The following RCOR1 variants were observed in gnomAD, a reference collection of about 807,000 sequenced individuals.
RCOR1 encodes the protein REST corepressor 1, also known as REST corepressor.
A neutral mutation model predicts 64.0 loss-of-function variants in RCOR1; 12 were observed. The ratio of observed to expected loss-of-function variants is 0.19; its 90% CI spans 0.12 to 0.30. The LOEUF is 0.30. Ranked by LOEUF, RCOR1 falls within the 10% of genes least tolerant of loss-of-function variation. The pLI is 1.00. For missense variants in RCOR1, 502 were observed against 621.2 expected (o/e 0.81, Z 2.04); for synonymous variants, 279 against 227.2 (o/e 1.23, Z -2.05).
intron 2 of RCOR1, among the ~76,000 whole-genome samples, chr14:102,630,356 G>A (rs965006169): frequency 2.0e-5 from 3 of 152,172 alleles, no homozygotes; most frequent in African/African-American, 7.2e-5. Flanking sequence ...TCCAGCCGGC[G>A]GAATCATGAG....
At chr14:102,626,464 A>T (rs1480348311) in intron 2 of RCOR1, among the ~76,000 whole-genome samples, 3 of 152,242 alleles carry the variant, frequency 2.0e-5, no homozygotes. Flanking sequence ...AAATCTCTGG[A>T]GAATCATGGC....
intron 2 of RCOR1, among the ~76,000 whole-genome samples, chr14:102,676,184 AC>A (rs2139953644): frequency 1.4e-5 from 2 of 147,476 alleles, no homozygotes; most frequent in South Asian, 4.4e-4. Flanking sequence ...ATTCCACAAA[AC>A]CGCCATTGTC....
rs980753591 is a variant in RCOR1 at position 102,658,011 on chromosome 14, G to C, written c.362-23884G>C. On this transcript the variant is annotated intron_variant, in intron 2 of 11. Transcript: ENST00000262241. ...TTATTTTGAGACAGAGTCTTGCTCT[G>C]TTGCCCAGGCTGGAGTGCAGTGGCA... 5 of 913,216 alleles carry C rather than the reference G, an allele frequency of 5.5e-6. No individual in the cohort carries two copies. In the African/African-American group the frequency reaches 7.2e-5, roughly 13 times the overall value. The allele number at this position is 913,216 out of a possible 1,614,324, so 56.6% of individuals were successfully genotyped here.
intron 8 of RCOR1, among the ~76,000 whole-genome samples, chr14:102,717,995 C>T (rs2139992672): frequency 6.6e-6 from 1 of 152,106 alleles, no homozygotes; most frequent in East Asian, 1.9e-4. Context: ...CTGGAGGCCG[C>T]CATGTTTGGT....
chr14:102,706,019 G>A (rs1895845390), intron 4 of RCOR1, among the ~76,000 whole-genome samples: 1 of 144,320 alleles, frequency 6.9e-6, no homozygotes, highest in Non-Finnish European at 1.5e-5. Flanking sequence ...GGCTGAGGCA[G>A]GAGAATTGAT....
At position 102,592,861 on chromosome 14, in the gene RCOR1, C is replaced by G. The variant is rs1893155693; in HGVS notation, c.-26C>G. The G allele has an allele frequency of 3.0e-5, 35 of 1,184,796 alleles. No individual in the cohort carries two copies. Among genetic ancestry groups the G allele is most frequent in the Non-Finnish European group, 3.6e-5 (35 of 960,190 alleles). The allele number at this position is 1,184,796 out of a possible 1,614,324, so 73.4% of individuals were successfully genotyped here. On this transcript the variant is annotated 5_prime_UTR_variant, in exon 1 of 12. Transcript: ENST00000262241. ...CCTCAGGAGCCGCGGGTCCCCGCCA[C>G]TTTCGCACGGCCCCGGCCCCCGCCG...
chr14:102,666,859 G>A (rs958148589), intron 2 of RCOR1, among the ~76,000 whole-genome samples: 2 of 152,108 alleles, frequency 1.3e-5, no homozygotes, highest in African/African-American at 4.8e-5. Context: ...ACTTTACAGT[G>A]GAAACGTCTG....
intron 2 of RCOR1, among the ~76,000 whole-genome samples, chr14:102,614,036 C>T (rs1185050920): frequency 2.0e-5 from 3 of 151,778 alleles, no homozygotes; most frequent in Admixed American, 6.6e-5. Flanking sequence ...GCTGGGATTA[C>T]AGGCATGTGC....
At chr14:102,613,354 AG>A (rs1224817370) in intron 2 of RCOR1, among the ~76,000 whole-genome samples, 1 of 151,556 alleles carries the variant, frequency 6.6e-6, no homozygotes, top group Admixed American at 6.6e-5. Flanking sequence ...CGCCATTCTC[AG>A]CCTCCCAAAG....
intron 3 of RCOR1, among the ~76,000 whole-genome samples, chr14:102,698,092 G>T (rs1343786960): frequency 6.6e-6 from 1 of 152,174 alleles, no homozygotes; most frequent in Non-Finnish European, 1.5e-5. Flanking sequence ...TTTACAATAT[G>T]GCAGATGTCC....
At chr14:102,621,192 G>A (rs1192299672) in intron 2 of RCOR1, among the ~76,000 whole-genome samples, 1 of 151,948 alleles carries the variant, frequency 6.6e-6, no homozygotes, top group South Asian at 2.1e-4. Context: ...GGCTGGTCTT[G>A]AACTCCTGGC....
Position 102,650,930 on chromosome 14 carries a change from A to ATTT in RCOR1, c.362-30963_362-30962insTTT, listed in dbSNP as rs547711486. Reference sequence around the variant, plus strand: ...GGTTTGCTCTTTATTGAATAACTTAATTATCTTATTACTAATAATTCCTGT... The same window carrying ATTT: ...GGTTTGCTCTTTATTGAATAACTTAATTTTTATCTTATTACTAATAATTCCTGT... On this transcript the variant is annotated intron_variant, in intron 2 of 11. Transcript: ENST00000262241. 459 of 744,504 alleles carry ATTT rather than the reference A, an allele frequency of 6.2e-4. 3 individuals carry two copies. The South Asian group carries it at 0.012, about 20-fold the overall frequency. The allele number at this position is 744,504 out of a possible 1,614,324, so 46.1% of individuals were successfully genotyped here. A position where few individuals can be genotyped will look rare whatever the true frequency, so the allele number is the denominator to read the frequency against.
rs1896319759 is a variant in RCOR1, at chr14:102,728,882, T to G, written c.*2376T>G. 6.6e-6 allele frequency: 1 copy of G among 152,468 alleles called. No homozygotes were observed. Among genetic ancestry groups the G allele is most frequent in the African/African-American group, 2.4e-5 (1 of 41,464 alleles). The allele number at this position is 152,468 out of a possible 1,614,324, so 9.4% of individuals were successfully genotyped here. A position where few individuals can be genotyped will look rare whatever the true frequency, so the allele number is the denominator to read the frequency against. The stretch of plus-strand genomic sequence containing the variant: ...TGCTTTCCCGCGTAAGATAGCACTG[T>G]GTTTTAAACTGTTGCATTACACTGT... On this transcript the variant is annotated 3_prime_UTR_variant, in exon 12 of 12. Coordinates refer to ENST00000262241, the MANE Select transcript of RCOR1 (RefSeq NM_015156.4).
At chr14:102,596,256 C>T (rs1893244504) in intron 2 of RCOR1, among the ~76,000 whole-genome samples, 1 of 152,052 alleles carries the variant, frequency 6.6e-6, no homozygotes, top group African/African-American at 2.4e-5. Context: ...CATGCGCCAC[C>T]ATGCCTGGCT....
At chr14:102,633,309 G>A (rs1894166287) in intron 2 of RCOR1, among the ~76,000 whole-genome samples, 2 of 152,072 alleles carry the variant, frequency 1.3e-5, no homozygotes, top group South Asian at 4.1e-4. Context: ...GTGATCTGGG[G>A]TCAGATGGGA....
chr14:102,623,635 C>T (rs1413321342), intron 2 of RCOR1, among the ~76,000 whole-genome samples: 1 of 151,476 alleles, frequency 6.6e-6, no homozygotes, highest in African/African-American at 2.4e-5. Context: ...GTCTTGATCC[C>T]CTGATCTCCT....
At chr14:102,708,987 T>C (rs2139985719) in intron 6 of RCOR1, among the ~76,000 whole-genome samples, 1 of 152,302 alleles carries the variant, frequency 6.6e-6, no homozygotes. Context: ...ACCATCTGTT[T>C]TTTGTGTGTG....
chr14:102,724,049 T>C (rs764680233), intron 11 of RCOR1, among the ~76,000 whole-genome samples: 2 of 152,122 alleles, frequency 1.3e-5, no homozygotes, highest in Non-Finnish European at 2.9e-5. Flanking sequence ...AACCTTGTTA[T>C]TAGCCCAGAA....
At chr14:102,638,969 T>C (rs1328252059) in intron 2 of RCOR1, among the ~76,000 whole-genome samples, 1 of 152,222 alleles carries the variant, frequency 6.6e-6, no homozygotes, top group East Asian at 1.9e-4. Flanking sequence ...AGCCTAGTAG[T>C]ATTTTCTATC....
Sources: gnomAD v4.1 joint callset for allele counts (sites outside exome capture counted in the v4.1 genomes callset) on GRCh38, gnomAD v4.1.1 for gene constraint, MANE v1.5 for transcripts, NCBI Gene and HGNC (gene_info 2026-07-23, HGNC 2026-07-21) for gene names.